The following NCOA2 variants were observed in gnomAD, a reference collection of about 807,000 sequenced individuals.
NCOA2 encodes class E basic helix-loop-helix protein 75.
In NCOA2, 21 loss-of-function variants were observed where a neutral mutation model predicts 145.1. That is an observed-to-expected ratio of 0.14 (90% CI 0.10 to 0.21). The LOEUF is 0.21. Among genes scored for constraint, NCOA2 ranks in the 10% least tolerant of loss-of-function variants. NCOA2 has a pLI of 1.00. For missense variants in NCOA2, 1,472 were observed against 1,837.6 expected (o/e 0.80, Z 3.64); for synonymous variants, 619 against 637.5 (o/e 0.97, Z 0.44).
At chr8:70,178,406 T>G (rs780443621) in intron 4 of NCOA2, among the ~76,000 whole-genome samples, 2 of 152,222 alleles carry the variant, frequency 1.3e-5, no homozygotes, top group Non-Finnish European at 2.9e-5. Flanking sequence ...CATGCTGTTT[T>G]ATTCTTTAAA....
intron 4 of NCOA2, among the ~76,000 whole-genome samples, chr8:70,205,807 T>TA (rs1250829738): frequency 3.3e-5 from 5 of 152,158 alleles, no homozygotes; most frequent in African/African-American, 1.2e-4. Context: ...GACTTTGTCA[T>TA]AGACTCCGCT....
At chr8:70,374,180 G>A (rs1036848507) in intron 1 of NCOA2, among the ~76,000 whole-genome samples, 2 of 152,110 alleles carry the variant, frequency 1.3e-5, no homozygotes, top group Non-Finnish European at 2.9e-5. Context: ...TATTGAAAGG[G>A]ACATGCACTG....
intron 10 of NCOA2, among the ~76,000 whole-genome samples, chr8:70,159,242 A>ATTTTTTTTTTTTTTTTTT (rs763150293): frequency 3.3e-5 from 2 of 61,076 alleles, no homozygotes; most frequent in African/African-American, 1.1e-4. Context: ...ATATATATAT[A>ATTTTTTTTTTTTTTTTTT]TTTTTTTTTT....
At chr8:70,155,821 C>T in intron 11 of NCOA2, 150 bp downstream of exon 11, 2 of 682,680 alleles carry the variant, frequency 2.9e-6, no homozygotes, top group Non-Finnish European at 4.7e-6. Context: ...GTATTTGAAA[C>T]ACACAGCTTC....
chr8:70,119,604 A>G (rs954594572), intron 22 of NCOA2, among the ~76,000 whole-genome samples: 6 of 152,136 alleles, frequency 3.9e-5, no homozygotes, highest in African/African-American at 1.4e-4. Context: ...TCAAATGATA[A>G]TTCTGTTTTT....
intron 16 of NCOA2, among the ~76,000 whole-genome samples, chr8:70,130,739 T>C (rs866344980): frequency 5.3e-5 from 8 of 152,162 alleles, no homozygotes; most frequent in African/African-American, 1.9e-4. Flanking sequence ...TGACACATCA[T>C]ATGGCCAAGA....
chr8:70,162,298 A>T (rs531042389), intron 9 of NCOA2, among the ~76,000 whole-genome samples: 3 of 152,170 alleles, frequency 2.0e-5, no homozygotes, highest in Non-Finnish European at 2.9e-5. Flanking sequence ...TTTGTTGGTT[A>T]CCACCTTGAA....
the NCOA2 span, among the ~76,000 whole-genome samples, chr8:70,415,384 A>C: frequency 6.6e-6 from 1 of 152,110 alleles, no homozygotes; most frequent in Admixed American, 6.6e-5. Context: ...CCTCTATCTG[A>C]ATGAAATTTA....
At chr8:70,192,288 T>C (rs1003199288) in intron 4 of NCOA2, among the ~76,000 whole-genome samples, 6 of 152,046 alleles carry the variant, frequency 3.9e-5, no homozygotes, top group African/African-American at 1.4e-4. Flanking sequence ...CAACTGTACA[T>C]AAAAACCTGA....
At chr8:70,239,965 T>C (rs1197027180) in intron 2 of NCOA2, among the ~76,000 whole-genome samples, 1 of 152,122 alleles carries the variant, frequency 6.6e-6, no homozygotes, top group Non-Finnish European at 1.5e-5. Flanking sequence ...AGTTCATGAT[T>C]CTCCAACCTC....
At chr8:70,162,023 A>C (rs1813079386) in intron 9 of NCOA2, among the ~76,000 whole-genome samples, 1 of 152,150 alleles carries the variant, frequency 6.6e-6, no homozygotes, top group Non-Finnish European at 1.5e-5. Flanking sequence ...CTGACACTGA[A>C]TGCTAGAGAG....
At chr8:70,405,258 T>A (rs1363183929), upstream of NCOA2, among the ~76,000 whole-genome samples, 1 of 151,700 alleles carries the variant, frequency 6.6e-6, no homozygotes, top group Non-Finnish European at 1.5e-5. Context: ...AAAAAATGTG[T>A]GGGGTGTGTG....
At chr8:70,234,418 C>T (rs4737303) in intron 2 of NCOA2, among the ~76,000 whole-genome samples, 8,387 of 152,176 alleles carry the variant, frequency 0.055, 304 homozygotes, top group East Asian at 0.16. Flanking sequence ...CTATGTTTAA[C>T]TTTTTGAAGA....
At chr8:70,225,276 C>G (rs1238805003) in intron 2 of NCOA2, among the ~76,000 whole-genome samples, 1 of 152,082 alleles carries the variant, frequency 6.6e-6, no homozygotes, top group Admixed American at 6.6e-5. Flanking sequence ...TAGGGCCAGG[C>G]GCAGTGGCTC....
At chr8:70,340,952 A>G (rs1401166248) in intron 1 of NCOA2, among the ~76,000 whole-genome samples, 1 of 152,076 alleles carries the variant, frequency 6.6e-6, no homozygotes, top group Non-Finnish European at 1.5e-5. Context: ...GCATCAGGAA[A>G]AATAGCTAAT....
chr8:70,191,535 GA>G (rs1384356326), intron 4 of NCOA2, among the ~76,000 whole-genome samples: 1 of 152,132 alleles, frequency 6.6e-6, no homozygotes, highest in East Asian at 1.9e-4. Flanking sequence ...CTGAAGAGAT[GA>G]ACCTTACATT....
intron 1 of NCOA2, among the ~76,000 whole-genome samples, chr8:70,331,398 T>C (rs1177804214): frequency 6.6e-6 from 1 of 152,170 alleles, no homozygotes; most frequent in Non-Finnish European, 1.5e-5. Flanking sequence ...TGCTGAAATA[T>C]AAAATGGTAC....
chr8:70,384,867 C>A (rs2131505844), intron 1 of NCOA2, among the ~76,000 whole-genome samples: 1 of 152,238 alleles, frequency 6.6e-6, no homozygotes, highest in African/African-American at 2.4e-5. Context: ...TTGTCCTTCC[C>A]CACTCCCATC....
At chr8:70,372,561 G>A (rs1166911323) in intron 1 of NCOA2, among the ~76,000 whole-genome samples, 1 of 152,068 alleles carries the variant, frequency 6.6e-6, no homozygotes, top group Non-Finnish European at 1.5e-5. Context: ...TAGGAAGTAG[G>A]GGAACAGCAG....
Sources: allele counts gnomAD v4.1 joint callset (sites outside exome capture counted in the v4.1 genomes callset), GRCh38; gene constraint gnomAD v4.1.1; transcripts MANE v1.5; gene names NCBI Gene and HGNC (gene_info 2026-07-23, HGNC 2026-07-21).